The following ANKRD27 variants were observed in gnomAD, a reference collection of about 807,000 sequenced individuals.
ANKRD27 encodes the protein ankyrin repeat domain 27, also known as ankyrin repeat domain-containing protein 27.
Under a neutral mutation model 129.7 loss-of-function variants are expected in ANKRD27, and 112 were observed. That is an observed-to-expected ratio of 0.86 (90% CI 0.74 to 1.01). The LOEUF (loss-of-function observed/expected upper bound fraction) is 1.01. ANKRD27 is among the 50% of genes least tolerant of loss of function. The pLI is 0.00. For missense variants in ANKRD27, 1,258 were observed against 1,300.5 expected (o/e 0.97, Z 0.50); for synonymous variants, 516 against 511.2 (o/e 1.01, Z -0.13).
At chr19:32,656,650 T>C (rs1967543181) in intron 2 of ANKRD27, among the ~76,000 whole-genome samples, 2 of 152,212 alleles carry the variant, frequency 1.3e-5, no homozygotes, top group South Asian at 4.1e-4. Context: ...CCAGGTGTGG[T>C]GGCACATGCT....
Position 32,597,696 on chromosome 19 carries a change from T to A in ANKRD27, c.*449A>T, listed in dbSNP as rs553147903. On this transcript the variant is annotated 3_prime_UTR_variant, in exon 29 of 29. Coordinates refer to ENST00000306065, the MANE Select transcript of ANKRD27 (RefSeq NM_032139.3). The stretch of plus-strand genomic sequence containing the variant: ...TGACATTTCAGCCTGGCCTCTACAG[T>A]ACCATGAAACCTAAATTACTTACTT... 1 of 180,376 alleles carries A rather than the reference T, an allele frequency of 5.5e-6. No homozygotes were observed. The highest frequency in any genetic ancestry group is 1.3e-4 in the South Asian group (1 of 7,840). 11.2% of individuals were successfully genotyped at this position (180,376 alleles called of 1,614,324 possible).
intron 17 of ANKRD27, among the ~76,000 whole-genome samples, chr19:32,623,731 A>G (rs1972048884): frequency 6.6e-6 from 1 of 151,742 alleles, no homozygotes; most frequent in Non-Finnish European, 1.5e-5. Flanking sequence ...GTATTTTTTT[A>G]GTAGAGACAG....
chr19:32,621,931 C>T (rs1334841652), intron 18 of ANKRD27, among the ~76,000 whole-genome samples: 2 of 152,200 alleles, frequency 1.3e-5, no homozygotes, highest in African/African-American at 2.4e-5. Flanking sequence ...GAGCACTTCA[C>T]AACATGCTCC....
intron 18 of ANKRD27, among the ~76,000 whole-genome samples, chr19:32,620,194 CA>C (rs1249586281): frequency 6.6e-6 from 1 of 151,476 alleles, no homozygotes. Flanking sequence ...TCTAACCCTT[CA>C]CAAACTGTGC....
chr19:32,672,138 G>T (rs1221031208), intron 1 of ANKRD27, among the ~76,000 whole-genome samples: 3 of 152,230 alleles, frequency 2.0e-5, no homozygotes, highest in Non-Finnish European at 2.9e-5. Flanking sequence ...TGCGATGGCC[G>T]TTCCCGCCCT....
intron 12 of ANKRD27, among the ~76,000 whole-genome samples, chr19:32,635,693 C>G (rs920862154): frequency 1.3e-5 from 2 of 151,996 alleles, no homozygotes; most frequent in African/African-American, 4.8e-5. Context: ...CCACAGCCAG[C>G]CACATCCGAG....
intron 28 of ANKRD27, 62 bp downstream of exon 28, chr19:32,599,642 A>T: frequency 6.8e-7 from 1 of 1,461,412 alleles, no homozygotes; most frequent in Non-Finnish European, 9.5e-7. Flanking sequence ...TTTACCATGG[A>T]TTACTTTTGA....
intron 21 of ANKRD27, among the ~76,000 whole-genome samples, chr19:32,617,276 G>A (rs1019229149): frequency 6.6e-6 from 1 of 152,120 alleles, no homozygotes; most frequent in African/African-American, 2.4e-5. Context: ...GGGCAGGGTG[G>A]CTCACACCTG....
At chr19:32,656,092 AAAGAAAGAAAG>A (rs1362045683) in intron 2 of ANKRD27, among the ~76,000 whole-genome samples, 14 of 118,372 alleles carry the variant, frequency 1.2e-4, no homozygotes, top group East Asian at 8.6e-4. Flanking sequence ...AGAAAGAAAG[AAAGAAAGAAAG>A]AAAGAAAAGA....
intron 4 of ANKRD27, among the ~76,000 whole-genome samples, chr19:32,645,287 C>T (rs541987849): frequency 3.6e-4 from 55 of 152,080 alleles, no homozygotes; most frequent in African/African-American, 1.3e-3. Flanking sequence ...TGGCGGGCGC[C>T]TGTAATCCCC....
At chr19:32,639,016 G>C in intron 12 of ANKRD27, 1 of 412,406 alleles carries the variant, frequency 2.4e-6, no homozygotes, top group Admixed American at 4.2e-5. Context: ...GACAGTCCAG[G>C]GATCCCGTGA....
rs1158772139 is a variant in ANKRD27, at chr19:32,639,591, G to A, written c.984-103C>T. 52 of 1,230,266 alleles carry A rather than the reference G, an allele frequency of 4.2e-5. No individual in the cohort carries two copies. The South Asian group carries it at 6.6e-4, about 16-fold the overall frequency. The allele number at this position is 1,230,266 out of a possible 1,614,324, so 76.2% of individuals were successfully genotyped here. A position where few individuals can be genotyped will look rare whatever the true frequency, so the allele number is the denominator to read the frequency against. On this transcript the variant is annotated intron_variant, in intron 11 of 28. Coordinates refer to ENST00000306065, the MANE Select transcript of ANKRD27 (RefSeq NM_032139.3). ...CAACTGATCAAATATCTAGTCAGTT[G>A]GTTCGCTCAGGAAGCTACGACCACC...
chr19:32,598,528 G>T, intron 28 of ANKRD27, 150 bp from the exon 29 acceptor site: 3 of 697,374 alleles, frequency 4.3e-6, no homozygotes, highest in Non-Finnish European at 7.5e-6. Flanking sequence ...CCCTGTCGTG[G>T]TAACATGGCA....
At chr19:32,602,485 A>G (rs550817402) in intron 25 of ANKRD27, among the ~76,000 whole-genome samples, 74 of 152,248 alleles carry the variant, frequency 4.9e-4, no homozygotes, top group Non-Finnish European at 9.9e-4. Flanking sequence ...TTAACTGGGC[A>G]CGGTGGCTCA....
rs774244167 is a variant in ANKRD27 at position 32,604,308 on chromosome 19, C to T, written c.2610G>A (p.Gln870=). The change falls in exon 25 of 29, where the codon CAG becomes CAA. Residue 870 remains glutamine (Q), a synonymous_variant. Transcript: ENST00000306065. ...CCGTGCGCTGCCGCTTGTTCAGCAC[C>T]TGAACTGACGCTCCGTGGAGCAGAA... ...ELLLLHGASV[Q]VLNKRQRTAV... is the part of the protein sequence containing the mutation. The T allele has an allele frequency of 6.2e-7, 1 of 1,613,912 alleles. No homozygotes were observed. Among genetic ancestry groups the T allele is most frequent in the Admixed American group, 1.7e-5 (1 of 60,028 alleles).
chr19:32,628,790 A>G lies in ANKRD27; in HGVS notation c.1269T>C (p.Asp423=). The change falls in exon 14 of 29, where the codon GAT becomes GAC. Residue 423 remains aspartate, a synonymous_variant. Transcript: ENST00000306065. ...VERLLSQEDH[D]KDTVQKMCHP... is the part of the protein sequence containing the mutation. ...GACACATCTTTTGGACGGTATCTTT[A>G]TCATGGTCCTCTTGGCTCAGAAGTC... 6.2e-7 allele frequency: 1 copy of G among 1,614,210 alleles called. No homozygotes were observed. The highest frequency in any genetic ancestry group is 8.5e-7 in the Non-Finnish European group (1 of 1,180,032).
intron 13 of ANKRD27, among the ~76,000 whole-genome samples, chr19:32,629,179 C>T (rs1966945708): frequency 6.6e-6 from 1 of 152,034 alleles, no homozygotes; most frequent in African/African-American, 2.4e-5. Flanking sequence ...TCTCGGCCTC[C>T]CGAAGTGTTG....
intron 22 of ANKRD27, among the ~76,000 whole-genome samples, chr19:32,614,268 C>T (rs969399669): frequency 6.6e-6 from 1 of 152,046 alleles, no homozygotes; most frequent in Non-Finnish European, 1.5e-5. Context: ...GTGAATTATA[C>T]TTCGATAAAG....
chr19:32,620,755 C>A (rs1191062698), intron 18 of ANKRD27, among the ~76,000 whole-genome samples: 5 of 151,702 alleles, frequency 3.3e-5, no homozygotes, highest in Non-Finnish European at 7.4e-5. Context: ...GGTGTGGTGG[C>A]GCATGCCTGT....
Sources: gnomAD v4.1 joint callset for allele counts (sites outside exome capture counted in the v4.1 genomes callset) on GRCh38, gnomAD v4.1.1 for gene constraint, MANE v1.5 for transcripts, NCBI Gene and HGNC (gene_info 2026-07-23, HGNC 2026-07-21) for gene names.